TRMT11: variants seen among roughly 807,000 people sequenced by gnomAD.
TRMT11 encodes the protein tRNA (guanine(10)-N(2))-methyltransferase TRMT11.
Under a neutral mutation model 62.8 loss-of-function variants are expected in TRMT11, and 53 were observed. That is an observed-to-expected ratio of 0.84 (90% CI 0.68 to 1.06). The LOEUF (loss-of-function observed/expected upper bound fraction) is 1.06. Among genes scored for constraint, TRMT11 ranks in the 50% least tolerant of loss-of-function variants. TRMT11 has a pLI of 0.00. For missense variants in TRMT11, 556 were observed against 553.4 expected (o/e 1.00, Z -0.05); for synonymous variants, 188 against 190.3 (o/e 0.99, Z 0.10).
At chr6:126,112,668 T>A (rs1777545256) in intron 17 of TRMT11, among the ~76,000 whole-genome samples, 2 of 152,068 alleles carry the variant, frequency 1.3e-5, no homozygotes, top group Non-Finnish European at 2.9e-5. Flanking sequence ...TTATCCTGCA[T>A]TTTTGCTTGG....
At chr6:126,184,938 GT>G (rs1231791818) in intron 1 of TRMT11, among the ~76,000 whole-genome samples, 1 of 152,198 alleles carries the variant, frequency 6.6e-6, no homozygotes, top group Non-Finnish European at 1.5e-5. Context: ...GCAGAAAGGA[GT>G]GACAGACCTG....
At position 126,151,887 on chromosome 6, in the gene TRMT11, TG is replaced by T. The variant is rs1481814715; in HGVS notation, c.*1824-22937del. Among the ~76,000 whole-genome samples, 529 of 88,412 alleles carry T rather than the reference TG, an allele frequency of 6.0e-3. 11 individuals are homozygous for T. The highest frequency in any genetic ancestry group is 0.011 in the South Asian group (33 of 3,128). The allele number at this position is 88,412 out of a possible 152,430, so 58.0% of individuals were successfully genotyped here. ...CTTTCCTTCTTTCTCCTTCCTTCCTTGTCTTTTTCTTTCTTTTCTCTTTCTT... is the reference window on the plus strand; with the variant it reads ...CTTTCCTTCTTTCTCCTTCCTTCCTTTCTTTTTCTTTCTTTTCTCTTTCTT... On this transcript the variant is annotated intron_variant and NMD_transcript_variant, in intron 21 of 22. Coordinates refer to the TRMT11 transcript ENST00000648977.
At chr6:126,127,551 C>G (rs1453187113) in intron 21 of TRMT11, among the ~76,000 whole-genome samples, 1 of 151,596 alleles carries the variant, frequency 6.6e-6, no homozygotes, top group Admixed American at 6.6e-5. Context: ...ATGTGCACAA[C>G]GTGCAGGTTT....
chr6:125,995,902 T>G, intron 2 of TRMT11, 65 bp from the exon 3 acceptor site: 1 of 969,750 alleles, frequency 1.0e-6, no homozygotes, highest in Non-Finnish European at 1.7e-6. Context: ...ATTGACTTCT[T>G]GAATAAAAGC....
the TRMT11 span, among the ~76,000 whole-genome samples, chr6:126,263,684 A>G: frequency 6.6e-6 from 1 of 152,186 alleles, no homozygotes; most frequent in Non-Finnish European, 1.5e-5. Flanking sequence ...TCAAGTCTTG[A>G]AAACTGGGCT....
At chr6:126,027,638 C>CT (rs909313501) in intron 12 of TRMT11, among the ~76,000 whole-genome samples, 51 of 150,780 alleles carry the variant, frequency 3.4e-4, no homozygotes, top group African/African-American at 7.5e-4. Flanking sequence ...AATCAGTTGT[C>CT]TTTTTTTTTA....
the TRMT11 span, among the ~76,000 whole-genome samples, chr6:126,232,672 C>T: frequency 6.6e-6 from 1 of 152,142 alleles, no homozygotes; most frequent in Non-Finnish European, 1.5e-5. Context: ...ATATTTCTCA[C>T]TTAGATGCTT....
chr6:126,019,892 T>TTAC (rs1795571437), intron 11 of TRMT11, among the ~76,000 whole-genome samples: 1 of 152,222 alleles, frequency 6.6e-6, no homozygotes, highest in Non-Finnish European at 1.5e-5. Context: ...CATTAAAGAA[T>TTAC]TACTAGATGA....
At chr6:126,237,996 C>A in the TRMT11 span, among the ~76,000 whole-genome samples, 3 of 152,128 alleles carry the variant, frequency 2.0e-5, no homozygotes, top group African/African-American at 4.8e-5. Context: ...AGTTTATTTG[C>A]GTAGAGGTGT....
chr6:126,009,656 A>G (rs576583282), intron 8 of TRMT11, among the ~76,000 whole-genome samples: 1 of 152,142 alleles, frequency 6.6e-6, no homozygotes, highest in South Asian at 2.1e-4. Flanking sequence ...GACTGTAAAG[A>G]ATTTAGTAAC....
chr6:126,178,759 T>A (rs948713441), intron 1 of TRMT11, among the ~76,000 whole-genome samples: 3 of 152,124 alleles, frequency 2.0e-5, no homozygotes, highest in African/African-American at 7.2e-5. Flanking sequence ...TTTCTCCTGC[T>A]TGGGGAGCAT....
chr6:126,193,282 T>C (rs1778624681), intron 1 of TRMT11, among the ~76,000 whole-genome samples: 1 of 152,024 alleles, frequency 6.6e-6, no homozygotes, highest in African/African-American at 2.4e-5. Context: ...CTTTTTCATC[T>C]CTGATTTTAT....
intron 17 of TRMT11, among the ~76,000 whole-genome samples, chr6:126,098,300 A>G (rs1255540549): frequency 6.6e-6 from 1 of 151,784 alleles, no homozygotes; most frequent in Non-Finnish European, 1.5e-5. Context: ...AGTCCTGCCC[A>G]CTCCTAACTC....
At chr6:126,235,516 T>C in the TRMT11 span, among the ~76,000 whole-genome samples, 1 of 152,234 alleles carries the variant, frequency 6.6e-6, no homozygotes, top group East Asian at 1.9e-4. Flanking sequence ...TGGAATACTA[T>C]GCAGTCATGC....
the TRMT11 span, among the ~76,000 whole-genome samples, chr6:126,245,952 AAAG>A: frequency 6.6e-6 from 1 of 152,156 alleles, no homozygotes; most frequent in East Asian, 1.9e-4. Flanking sequence ...AAAGAAAAGA[AAAG>A]AAATTAAATT....
chr6:126,226,788 G>T, the TRMT11 span, among the ~76,000 whole-genome samples: 1 of 152,196 alleles, frequency 6.6e-6, no homozygotes, highest in Non-Finnish European at 1.5e-5. Flanking sequence ...TAAGGCAGTT[G>T]ATATGGTTTG....
At chr6:126,058,899 G>A (rs1379276549) in intron 17 of TRMT11, among the ~76,000 whole-genome samples, 1 of 152,114 alleles carries the variant, frequency 6.6e-6, no homozygotes, top group African/African-American at 2.4e-5. Context: ...AGATGACTGA[G>A]CTGGCTGGAT....
chr6:126,166,587 G>T (rs764854185), intron 21 of TRMT11, among the ~76,000 whole-genome samples: 2 of 152,198 alleles, frequency 1.3e-5, no homozygotes, highest in Non-Finnish European at 2.9e-5. Context: ...ATGCACGGGG[G>T]TCAAGGACCC....
rs548508777 is a variant in TRMT11, at chr6:126,060,184, G to A, written c.*1437+6994G>A. Among the ~76,000 whole-genome samples, 6 of 152,254 alleles carry A rather than the reference G, an allele frequency of 3.9e-5. No homozygotes were observed. In the East Asian group the frequency reaches 1.2e-3, roughly 29 times the overall value. ...CTTTTCCTCTTCATGAGCAGGTTCT[G>A]TTTTATTCTTCCTTTCTTCATGCGG... On this transcript the variant is annotated intron_variant and NMD_transcript_variant, in intron 17 of 22. Coordinates refer to the TRMT11 transcript ENST00000648977.
Sources: gnomAD v4.1 joint callset for allele counts (sites outside exome capture counted in the v4.1 genomes callset) on GRCh38, gnomAD v4.1.1 for gene constraint, MANE v1.5 for transcripts, NCBI Gene and HGNC (gene_info 2026-07-23, HGNC 2026-07-21) for gene names.